RTKN2: variants seen among roughly 807,000 people sequenced by gnomAD.
RTKN2 encodes the protein rhotekin-2.
RTKN2 carries 69 observed loss-of-function variants against 71.5 expected under a neutral mutation model. That is an observed-to-expected ratio of 0.96 (90% confidence interval 0.79 to 1.18). The LOEUF (loss-of-function observed/expected upper bound fraction) is 1.18. Ranked by LOEUF, RTKN2 falls within the 50% of genes most tolerant of loss-of-function variation. The pLI is 0.00. For synonymous variants in RTKN2, 236 were observed against 236.5 expected (o/e 1.00, Z 0.02); for missense variants, 724 against 719.7 (o/e 1.01, Z -0.07).
In RTKN2 at chr10:62,195,087, T is replaced by C. The variant is rs2132776838; in HGVS notation, c.*2821A>G. 1.0e-6 allele frequency: 1 copy of C among 983,494 alleles called. No individual in the cohort carries two copies. The highest frequency in any genetic ancestry group is 1.7e-5 in the African/African-American group (1 of 57,328). The allele number at this position is 983,494 out of a possible 1,614,324, so 60.9% of individuals were successfully genotyped here. On this transcript the variant is annotated 3_prime_UTR_variant, in exon 12 of 12. Transcript: ENST00000373789. Reference sequence around the variant, plus strand: ...TACAAAAGTTACCACTTAGTAGCAATTAAAAATAATACTATCTTAATGCTG... The same window carrying C: ...TACAAAAGTTACCACTTAGTAGCAACTAAAAATAATACTATCTTAATGCTG...
chr10:62,226,444 C>G (rs997310351), intron 6 of RTKN2, among the ~76,000 whole-genome samples: 2 of 152,108 alleles, frequency 1.3e-5, no homozygotes, highest in African/African-American at 4.8e-5. Flanking sequence ...CATTACAGAC[C>G]AAAGATAACT....
At chr10:62,257,966 T>C (rs1160915702) in intron 2 of RTKN2, among the ~76,000 whole-genome samples, 2 of 152,172 alleles carry the variant, frequency 1.3e-5, no homozygotes, top group Non-Finnish European at 2.9e-5. Flanking sequence ...TTTTGGCTTG[T>C]TCAAGCATAA....
chr10:62,193,375 A>G lies in RTKN2; in HGVS notation c.*4533T>C, dbSNP rs543382444. 4 of 982,038 alleles carry G rather than the reference A, an allele frequency of 4.1e-6. No individual in the cohort carries two copies. The highest frequency in any genetic ancestry group is 4.7e-5 in the South Asian group (1 of 21,236). The allele number at this position is 982,038 out of a possible 1,614,324, so 60.8% of individuals were successfully genotyped here. On this transcript the variant is annotated 3_prime_UTR_variant, in exon 12 of 12. Coordinates refer to ENST00000373789, the MANE Select transcript of RTKN2 (RefSeq NM_145307.4). ...ATAAGATCTGGAATGATCTTTTCTA[A>G]TTATTAAACGTGTCAGCATTAGTAT... is the stretch of plus-strand genomic sequence containing the variant.
At chr10:62,221,453 A>C (rs1841904886) in intron 7 of RTKN2, among the ~76,000 whole-genome samples, 1 of 152,118 alleles carries the variant, frequency 6.6e-6, no homozygotes, top group Admixed American at 6.5e-5. Context: ...TAAATACGAA[A>C]GGACTAAAAG....
chr10:62,268,595 G>A lies in RTKN2; in HGVS notation c.16C>T (p.Leu6=). The A allele has an allele frequency of 6.4e-7, 1 of 1,564,978 alleles. No individual in the cohort carries two copies. Among genetic ancestry groups the A allele is most frequent in the Non-Finnish European group, 8.7e-7 (1 of 1,154,574 alleles). MEGPS[L]RGPALRLAGL... ...GCCAGGCGGAGCGCAGGACCCCTCAGGCTCGGCCCCTCCATCTCCAACGCG... is the reference window on the plus strand; with the variant it reads ...GCCAGGCGGAGCGCAGGACCCCTCAAGCTCGGCCCCTCCATCTCCAACGCG... The change falls in exon 1 of 12, where the codon CTG becomes TTG. Residue 6 remains leucine (L), a synonymous_variant. Transcript: ENST00000373789.
In RTKN2 at chr10:62,198,063, G is replaced by T. The variant is rs745705106; in HGVS notation, c.1675C>A (p.Pro559Thr). Residue 559 changes from proline to threonine, a missense_variant, in exon 12 of 12, where the codon CCT becomes ACT. Coordinates refer to ENST00000373789, the MANE Select transcript of RTKN2 (RefSeq NM_145307.4). ...MHHLQKPMAA[P>T]RKLLPARRNR... ...CTCCTGGCAGGCAGAAGTTTTCGAG[G>T]AGCAGCCATTGGTTTCTGTAAGTGA... The T allele has an allele frequency of 6.2e-7, 1 of 1,614,040 alleles. No individual in the cohort carries two copies. Among genetic ancestry groups the T allele is most frequent in the East Asian group, 2.2e-5 (1 of 44,882 alleles).
Position 62,257,023 on chromosome 10 carries a change from AC to A in RTKN2, c.257+5601del, listed in dbSNP as rs750890654. On this transcript the variant is annotated intron_variant, in intron 2 of 11. Transcript: ENST00000373789. ...ATTCTAAGCCCTATTTGCTCATCAT[AC>A]ACATTAAGGGGATACAAGGCAAAAC... Among the ~76,000 whole-genome samples, 336 of 152,316 alleles carry A rather than the reference AC, an allele frequency of 2.2e-3. 6 individuals carry two copies. The highest frequency in any genetic ancestry group is 0.01 in the Middle Eastern group (3 of 294).
intron 2 of RTKN2, among the ~76,000 whole-genome samples, chr10:62,259,794 T>G (rs1158612761): frequency 5.3e-5 from 8 of 152,174 alleles, no homozygotes; most frequent in African/African-American, 1.9e-4. Context: ...TCAAGCAATC[T>G]GACCACCTTG....
chr10:62,221,817 T>C (rs1224966995), intron 7 of RTKN2, among the ~76,000 whole-genome samples: 1 of 151,718 alleles, frequency 6.6e-6, no homozygotes, highest in East Asian at 1.9e-4. Context: ...AAAACAGAGA[T>C]GGTACAGAAA....
At chr10:62,188,305 C>T (rs1841167235), downstream of RTKN2, among the ~76,000 whole-genome samples, 1 of 152,150 alleles carries the variant, frequency 6.6e-6, no homozygotes, top group Non-Finnish European at 1.5e-5. Context: ...ATGGATCTCT[C>T]CCGGGACTGT....
At chr10:62,236,015 AT>A in intron 6 of RTKN2, 50 bp downstream of exon 6, 1 of 1,283,072 alleles carries the variant, frequency 7.8e-7, no homozygotes, top group Non-Finnish European at 1.1e-6. Flanking sequence ...ATACTTTAAA[AT>A]ATCACAAATG....
chr10:62,255,199 C>A (rs1276886796), intron 2 of RTKN2, among the ~76,000 whole-genome samples: 1 of 152,064 alleles, frequency 6.6e-6, no homozygotes, highest in East Asian at 1.9e-4. Flanking sequence ...GTACTGTAAT[C>A]AAAAACCTAT....
chr10:62,195,046 T>G lies in RTKN2; in HGVS notation c.*2862A>C. On this transcript the variant is annotated 3_prime_UTR_variant, in exon 12 of 12. Coordinates refer to ENST00000373789, the MANE Select transcript of RTKN2 (RefSeq NM_145307.4). ...AATTTTAAAAATGCCTTCTTTGCCC[T>G]TGCAAGATATTAAAATACAAAAGTT... 1 of 984,900 alleles carries G rather than the reference T, an allele frequency of 1.0e-6. No individual in the cohort carries two copies. Among genetic ancestry groups the G allele is most frequent in the Non-Finnish European group, 1.2e-6 (1 of 829,434 alleles). The allele number at this position is 984,900 out of a possible 1,614,324, so 61.0% of individuals were successfully genotyped here. A position where few individuals can be genotyped will look rare whatever the true frequency, so the allele number is the denominator to read the frequency against.
At position 62,195,534 on chromosome 10, in the gene RTKN2, G is replaced by C. The variant is rs1257965436; in HGVS notation, c.*2374C>G. The C allele has an allele frequency of 1.4e-6, 1 of 710,974 alleles. No individual in the cohort carries two copies. Among genetic ancestry groups the C allele is most frequent in the Non-Finnish European group, 1.7e-6 (1 of 580,104 alleles). 44.0% of individuals were successfully genotyped at this position (710,974 alleles called of 1,614,324 possible). A position where few individuals can be genotyped will look rare whatever the true frequency, so the allele number is the denominator to read the frequency against. On this transcript the variant is annotated 3_prime_UTR_variant, in exon 12 of 12. Transcript: ENST00000373789. ...GGATGAGACAGAGAGAGAGGACAGG[G>C]GGCCAGAGAAAGAAACAAAGACAAA...
chr10:62,244,409 T>G (rs1842439337), intron 3 of RTKN2, among the ~76,000 whole-genome samples: 1 of 152,188 alleles, frequency 6.6e-6, no homozygotes, highest in African/African-American at 2.4e-5. Context: ...TTTATTTTAT[T>G]TTAAATACTT....
At chr10:62,241,437 ATATC>A (rs772055951) in intron 3 of RTKN2, among the ~76,000 whole-genome samples, 16 of 152,288 alleles carry the variant, frequency 1.1e-4, no homozygotes, top group African/African-American at 2.9e-4. Context: ...AACTCCATAT[ATATC>A]TGTTTCTTCC....
chr10:62,233,986 G>C (rs1193783164), intron 6 of RTKN2, among the ~76,000 whole-genome samples: 2 of 152,130 alleles, frequency 1.3e-5, no homozygotes, highest in Non-Finnish European at 2.9e-5. Flanking sequence ...TATTTGTGAA[G>C]AAACAAATAC....
Position 62,197,609 on chromosome 10 carries a change from C to T in RTKN2, c.*299G>A, listed in dbSNP as rs1247367893. ...AAAGAAATTTTAATGCTTTATTCTGCCTAGGGCTTATTCACTGCCTGGTAC... is the reference window on the plus strand; with the variant it reads ...AAAGAAATTTTAATGCTTTATTCTGTCTAGGGCTTATTCACTGCCTGGTAC... On this transcript the variant is annotated 3_prime_UTR_variant, in exon 12 of 12. Transcript: ENST00000373789. 8.8e-7 allele frequency: 1 copy of T among 1,139,234 alleles called. No individual in the cohort carries two copies. The highest frequency in any genetic ancestry group is 4.4e-5 in the Admixed American group (1 of 22,538). 70.6% of individuals were successfully genotyped at this position (1,139,234 alleles called of 1,614,324 possible). A position where few individuals can be genotyped will look rare whatever the true frequency, so the allele number is the denominator to read the frequency against.
intron 6 of RTKN2, among the ~76,000 whole-genome samples, chr10:62,232,741 A>AG (rs1220159548): frequency 6.6e-6 from 1 of 152,006 alleles, no homozygotes; most frequent in Admixed American, 6.6e-5. Context: ...TAAAAAAAAA[A>AG]GCCCTAGAAA....
Sources: gnomAD v4.1 joint callset for allele counts (sites outside exome capture counted in the v4.1 genomes callset) on GRCh38, gnomAD v4.1.1 for gene constraint, MANE v1.5 for transcripts, NCBI Gene and HGNC (gene_info 2026-07-23, HGNC 2026-07-21) for gene names.